The following IGF2R variants were observed in gnomAD, a reference collection of about 807,000 sequenced individuals.
The protein encoded by IGF2R is insulin like growth factor 2 receptor, also known as cation-independent mannose-6-phosphate receptor.
In IGF2R, 91 loss-of-function variants were observed where a neutral mutation model predicts 270.6. The ratio of observed to expected loss-of-function variants is 0.34; its 90% CI spans 0.28 to 0.40. The LOEUF (loss-of-function observed/expected upper bound fraction) is 0.40. IGF2R is among the 10% of genes least tolerant of loss of function. The pLI is 1.00. For synonymous variants in IGF2R, 1,316 were observed against 1,258.9 expected, an observed-to-expected ratio of 1.05 and a Z score of -0.96; for missense variants, 2,805 against 3,188.3, an observed-to-expected ratio of 0.88 and a Z score of 2.90.
chr6:159,970,752 A>G lies in IGF2R; in HGVS notation c.149+1357A>G, dbSNP rs73590507. ...CTGAGAACAACATTTAGAGGAAGGC[A>G]TTTTGGAATAATGGCTTCTGTGACC... On this transcript the variant is annotated intron_variant, in intron 1 of 47. Coordinates refer to ENST00000356956, the MANE Select transcript of IGF2R (RefSeq NM_000876.4). Among the ~76,000 whole-genome samples, 1,384 of 152,344 alleles carry G rather than the reference A, an allele frequency of 9.1e-3. 20 individuals are homozygous for G. The highest frequency in any genetic ancestry group is 0.031 in the African/African-American group (1,292 of 41,580).
chr6:160,020,117 CAG>C (rs1459516933), intron 4 of IGF2R, among the ~76,000 whole-genome samples: 1 of 151,874 alleles, frequency 6.6e-6, no homozygotes, highest in Non-Finnish European at 1.5e-5. Flanking sequence ...TTTCAGGATA[CAG>C]AGTCATTGTA....
intron 32 of IGF2R, 54 bp downstream of exon 32, chr6:160,072,090 A>T (rs1285006519): frequency 1.2e-6 from 2 of 1,608,958 alleles, no homozygotes; most frequent in Non-Finnish European, 1.7e-6. Context: ...CGGTGCCCCC[A>T]CCAAACCCAG....
At chr6:160,071,227 G>A (rs77494244) in intron 31 of IGF2R, among the ~76,000 whole-genome samples, 11 of 126,912 alleles carry the variant, frequency 8.7e-5, no homozygotes, top group African/African-American at 2.8e-4. Flanking sequence ...TGGGAGGGAA[G>A]GGTGGGGGTG....
intron 26 of IGF2R, 25 bp from the exon 27 acceptor site, chr6:160,063,390 C>T: frequency 6.3e-7 from 1 of 1,580,474 alleles, no homozygotes; most frequent in Non-Finnish European, 8.7e-7. Context: ...TGCAGTTGCC[C>T]TTCACTTCTT....
chr6:160,016,247 G>T (rs1195010394), intron 4 of IGF2R, among the ~76,000 whole-genome samples: 1 of 152,088 alleles, frequency 6.6e-6, no homozygotes, highest in Non-Finnish European at 1.5e-5. Context: ...TACCATGTGG[G>T]CTCTTTGATG....
At chr6:160,058,431 T>G (rs1215325736) in intron 21 of IGF2R, among the ~76,000 whole-genome samples, 1 of 152,236 alleles carries the variant, frequency 6.6e-6, no homozygotes, top group Non-Finnish European at 1.5e-5. Flanking sequence ...CCTTACTGTA[T>G]CTTCACACCA....
At chr6:160,081,291 G>T (rs1778976550) in intron 39 of IGF2R, among the ~76,000 whole-genome samples, 1 of 152,094 alleles carries the variant, frequency 6.6e-6, no homozygotes, top group Admixed American at 6.6e-5. Flanking sequence ...CTGGTGTCCG[G>T]GGGAGACATT....
At chr6:160,003,527 T>C (rs1267518646) in intron 2 of IGF2R, 1 of 152,268 alleles carries the variant, frequency 6.6e-6, no homozygotes, top group Non-Finnish European at 1.5e-5. Context: ...AACAATCTAC[T>C]GTGTGGGTAT....
intron 1 of IGF2R, 85 bp from the exon 2 acceptor site, chr6:159,991,099 G>C: frequency 7.6e-7 from 1 of 1,310,904 alleles, no homozygotes; most frequent in Non-Finnish European, 1.1e-6. Context: ...GCAGTTTTAA[G>C]CAAATGTGGC....
intron 35 of IGF2R, 178 bp downstream of exon 35, chr6:160,074,153 T>C (rs1778807242): frequency 1.7e-6 from 1 of 595,072 alleles, no homozygotes; most frequent in African/African-American, 1.9e-5. Context: ...CACATTGAAC[T>C]GTTCGCTGAT....
intron 39 of IGF2R, among the ~76,000 whole-genome samples, chr6:160,082,317 T>G (rs1779000762): frequency 6.6e-6 from 1 of 152,140 alleles, no homozygotes. Flanking sequence ...CTTAAATTTT[T>G]TTTTTTTTTG....
chr6:160,064,864 G>T lies in IGF2R; in HGVS notation c.4078G>T (p.Ala1360Ser), dbSNP rs779416311. 6.2e-7 allele frequency: 1 copy of T among 1,613,510 alleles called. No individual in the cohort carries two copies. Among genetic ancestry groups the T allele is most frequent in the Admixed American group, 1.7e-5 (1 of 60,022 alleles). Residue 1360 changes from alanine (A) to serine (S), a missense_variant, in exon 29 of 48, where the codon GCC (alanine) becomes TCC (serine). Ala to Ser is a moderately conservative substitution (Grantham distance 99). This residue lies in a region of IGF2R where 1,851 missense variants were observed against 2,207.2 expected (regional missense o/e 0.84). Transcript: ENST00000356956. ...CTTGTTTGAGTGGCGAACGCAGTAT[G>T]CCTGCCCACCTTTCGATCTGACTGA... ...SYLFEWRTQY[A>S]CPPFDLTECS...
At chr6:160,026,091 T>C (rs1777555355) in intron 5 of IGF2R, among the ~76,000 whole-genome samples, 1 of 152,200 alleles carries the variant, frequency 6.6e-6, no homozygotes, top group South Asian at 2.1e-4. Context: ...GTTTCGGACT[T>C]GCCATCATGT....
intron 37 of IGF2R, 35 bp downstream of exon 37, chr6:160,078,397 T>C (rs200633660): frequency 1.4e-5 from 22 of 1,599,618 alleles, no homozygotes; most frequent in African/African-American, 5.3e-5. Flanking sequence ...CTGGTGCAGG[T>C]GTACCAGGTG....
intron 26 of IGF2R, 84 bp downstream of exon 26, chr6:160,062,703 G>C: frequency 1.1e-6 from 1 of 932,598 alleles, no homozygotes. Context: ...ATGAGACCGT[G>C]TGATAACAGC....
chr6:160,066,595 C>T (rs1583288846), intron 29 of IGF2R, among the ~76,000 whole-genome samples: 2 of 152,166 alleles, frequency 1.3e-5, no homozygotes, highest in Admixed American at 1.3e-4. Context: ...CCACCCTCAC[C>T]TCTCCCTCCC....
intron 1 of IGF2R, among the ~76,000 whole-genome samples, chr6:159,982,601 T>A (rs1170485945): frequency 6.6e-6 from 1 of 152,248 alleles, no homozygotes; most frequent in African/African-American, 2.4e-5. Context: ...ACGTGCCTAC[T>A]TTTATTATTA....
At chr6:160,066,945 C>T (rs987242470) in intron 29 of IGF2R, among the ~76,000 whole-genome samples, 2 of 152,204 alleles carry the variant, frequency 1.3e-5, no homozygotes, top group African/African-American at 2.4e-5. Flanking sequence ...GCAGCTGCCA[C>T]TCCGAGGTCT....
chr6:160,067,822 G>C (rs1235608079), intron 29 of IGF2R, among the ~76,000 whole-genome samples: 2 of 152,194 alleles, frequency 1.3e-5, no homozygotes, highest in Non-Finnish European at 2.9e-5. Context: ...GGCGGCCTTG[G>C]TTTTAAACAA....
Sources: allele counts gnomAD v4.1 joint callset (sites outside exome capture counted in the v4.1 genomes callset), GRCh38; gene constraint gnomAD v4.1.1; regional missense constraint gnomAD v4.1.1; transcripts MANE v1.5; gene names NCBI Gene and HGNC (gene_info 2026-07-23, HGNC 2026-07-21).